Variants in S100A5 observed in about 807,000 individuals in gnomAD.
S100A5 encodes protein S100-A5.
In S100A5, 5 loss-of-function variants were observed where a neutral mutation model predicts 6.7. That is an observed-to-expected ratio of 0.75 (90% CI 0.39 to 1.57). The LOEUF is 1.57. S100A5 is among the 40% of genes most tolerant of loss of function. The probability of loss-of-function intolerance (pLI) is 0.03; values close to 1 mark genes in which losing one functional copy is unlikely to be tolerated. For synonymous variants in S100A5, 49 were observed against 44.9 expected (o/e 1.09, Z -0.37); for missense variants, 129 against 110.8 (o/e 1.16, Z -0.74).
intron 2 of S100A5, among the ~76,000 whole-genome samples, chr1:153,539,450 AAT>A (rs1173862697): frequency 0.026 from 805 of 31,242 alleles, 12 homozygotes; most frequent in Admixed American, 0.046. Context: ...AAAAAAAAAA[AAT>A]ATATATATAT....
At chr1:153,541,426 G>A (rs1168372683), upstream of S100A5, 1 of 1,367,850 alleles carries the variant, frequency 7.3e-7, no homozygotes, top group Admixed American at 1.9e-5. Context: ...AGCAGGCATA[G>A]CCTCCCTCTC....
At chr1:153,537,954 G>A (rs1447910411) in intron 2 of S100A5, among the ~76,000 whole-genome samples, 1 of 152,124 alleles carries the variant, frequency 6.6e-6, no homozygotes, top group Non-Finnish European at 1.5e-5. Context: ...GGCTGAGGCA[G>A]GAGAATCGCT....
At chr1:153,540,319 G>A (rs938795730) in intron 1 of S100A5, 114 bp from the exon 2 acceptor site, 31 of 1,059,734 alleles carry the variant, frequency 2.9e-5, no homozygotes, top group Non-Finnish European at 1.9e-5. Flanking sequence ...GGATGAGACT[G>A]AAATCCACTA....
chr1:153,541,125 A>C (rs929333190), upstream of S100A5, among the ~76,000 whole-genome samples: 5 of 152,110 alleles, frequency 3.3e-5, no homozygotes, highest in Non-Finnish European at 7.4e-5. Flanking sequence ...CTCCCACCTC[A>C]AGGAGACTCA....
chr1:153,541,206 C>T (rs1665373899), upstream of S100A5, among the ~76,000 whole-genome samples: 1 of 152,236 alleles, frequency 6.6e-6, no homozygotes, highest in African/African-American at 2.4e-5. Flanking sequence ...CAGACCCCCA[C>T]CTCCACCCCA....
Position 153,540,123 on chromosome 1 carries a change from C to A in S100A5, c.69G>T (p.Glu23Asp). The change falls in exon 2 of 3, where the codon GAG becomes GAT. Residue 23 changes from glutamate to aspartate, a missense_variant. Glu to Asp is a conservative substitution (Grantham distance 45). Transcript: ENST00000368717. ...VTTFHKYSGR[E>D]GSKLTLSRKE... ...TCCTACTCAGGGTCAGTTTGCTACC[C>A]TCTCTCCCCGAATATTTGTGAAACG... 1 of 1,614,162 alleles carries A rather than the reference C, an allele frequency of 6.2e-7. No homozygotes were observed. Among genetic ancestry groups the A allele is most frequent in the Admixed American group, 1.7e-5 (1 of 60,014 alleles).
At chr1:153,542,061 C>G (rs1402613148), upstream of S100A5, among the ~76,000 whole-genome samples, 1 of 152,152 alleles carries the variant, frequency 6.6e-6, no homozygotes, top group East Asian at 1.9e-4. Flanking sequence ...AGGTGTCCAG[C>G]GAAGGGCTAA....
upstream of S100A5, among the ~76,000 whole-genome samples, chr1:153,542,061 C>T (rs1402613148): frequency 3.9e-5 from 6 of 152,152 alleles, no homozygotes; most frequent in African/African-American, 9.7e-5. Context: ...AGGTGTCCAG[C>T]GAAGGGCTAA....
chr1:153,537,250 AG>A lies in S100A5; in HGVS notation c.*45del, dbSNP rs1213541832. On this transcript the variant is annotated 3_prime_UTR_variant, in exon 3 of 3. Transcript: ENST00000368717. ...AGAGGGTCTGTGAGAGGAGCAGCCG[AG>A]GTCAGCAGCAAAGGGTGGAGGGTGA... 2 of 1,594,450 alleles carry A rather than the reference AG, an allele frequency of 1.3e-6. No individual in the cohort carries two copies. Among genetic ancestry groups the A allele is most frequent in the East Asian group, 4.5e-5 (2 of 44,288 alleles).
At chr1:153,542,963 G>C (rs1665437359), upstream of S100A5, among the ~76,000 whole-genome samples, 1 of 152,068 alleles carries the variant, frequency 6.6e-6, no homozygotes, top group African/African-American at 2.4e-5. Context: ...ATCTCATCCA[G>C]GGACCTTTAT....
At chr1:153,542,612 C>A (rs1387009365), upstream of S100A5, among the ~76,000 whole-genome samples, 1 of 152,158 alleles carries the variant, frequency 6.6e-6, no homozygotes, top group Admixed American at 6.5e-5. Flanking sequence ...GTCAGTGGGA[C>A]AAAGCCCTCC....
At chr1:153,543,504 C>G, upstream of S100A5, 1 of 468,786 alleles carries the variant, frequency 2.1e-6, no homozygotes, top group East Asian at 3.5e-5. Flanking sequence ...CCCCTAACTT[C>G]ACTGGTCTGC....
At chr1:153,541,081 C>A (rs1665369753), upstream of S100A5, among the ~76,000 whole-genome samples, 1 of 152,142 alleles carries the variant, frequency 6.6e-6, no homozygotes, top group African/African-American at 2.4e-5. Flanking sequence ...GAACCAGACC[C>A]ATCATTCCTC....
chr1:153,543,567 C>T (rs1665453817), upstream of S100A5: 3 of 636,866 alleles, frequency 4.7e-6, no homozygotes, highest in East Asian at 2.7e-5. Flanking sequence ...CACCCCACAA[C>T]ATATCCCTCA....
chr1:153,542,320 C>T (rs556758231), upstream of S100A5, among the ~76,000 whole-genome samples: 27 of 152,326 alleles, frequency 1.8e-4, 1 homozygote, highest in South Asian at 5.6e-3. Flanking sequence ...CCACTCCACC[C>T]CACCCCCAGC....
chr1:153,538,676 C>T (rs897633422), intron 2 of S100A5, among the ~76,000 whole-genome samples: 2 of 152,164 alleles, frequency 1.3e-5, no homozygotes, highest in African/African-American at 2.4e-5. Flanking sequence ...CCTACCAGGG[C>T]TCAAGGTGTG....
At chr1:153,541,612 G>T (rs1337278786), upstream of S100A5, 1 of 1,198,834 alleles carries the variant, frequency 8.3e-7, no homozygotes, top group East Asian at 5.9e-5. Context: ...AAGGGCTGGG[G>T]ACACACTGAG....
At position 153,540,846 on chromosome 1, in the gene S100A5, C is replaced by G. The variant is rs1219895185; in HGVS notation, c.-240G>C. Among the ~76,000 whole-genome samples the G allele has an allele frequency of 6.6e-6, 1 of 152,148 alleles. No homozygotes were observed. The highest frequency in any genetic ancestry group is 1.5e-5 in the Non-Finnish European group (1 of 68,026). On this transcript the variant is annotated 5_prime_UTR_variant, in exon 1 of 3. The change abolishes an upstream ATG in the 5' untranslated region. Transcript: ENST00000368717. ...GGGGGCCTCTTGAAATCTCCAGGAT[C>G]ATTCCAAAACCTGGATCCAGAGGCT...
At position 153,537,305 on chromosome 1, in the gene S100A5, G is replaced by A. The variant is rs1317980407; in HGVS notation, c.270C>T (p.Asp90=). The change falls in exon 3 of 3, where the codon GAC becomes GAT. Residue 90 remains aspartate (D), a synonymous_variant. Transcript: ENST00000368717. ...TGGAGGGCAGCCCTGGTCACTTGTT[G>A]TCCTCTAGAAAGAAGTCGTTGTAGG... The part of the protein sequence containing the change: ...CMAYNDFFLE[D]NK 4.3e-6 allele frequency: 7 copies of A among 1,613,700 alleles called. No individual in the cohort carries two copies. Among genetic ancestry groups the A allele is most frequent in the Admixed American group, 1.7e-5 (1 of 60,008 alleles).
Sources: allele counts gnomAD v4.1 joint callset (sites outside exome capture counted in the v4.1 genomes callset), GRCh38; gene constraint gnomAD v4.1.1; transcripts MANE v1.5; gene names NCBI Gene and HGNC (gene_info 2026-07-23, HGNC 2026-07-21).